Variants in UBE2H observed in about 807,000 individuals in gnomAD.
UBE2H encodes the protein ubiquitin conjugating enzyme E2 H, also known as ubiquitin-conjugating enzyme E2 H.
Under a neutral mutation model 29.0 loss-of-function variants are expected in UBE2H, and 3 were observed. The ratio of observed to expected loss-of-function variants is 0.10; its 90% CI spans 0.05 to 0.27. UBE2H has a LOEUF of 0.27. Among genes scored for constraint, UBE2H ranks in the 10% least tolerant of loss-of-function variants. The probability of loss-of-function intolerance (pLI) is 1.00; values close to 1 mark genes in which losing one functional copy is unlikely to be tolerated. For synonymous variants in UBE2H, 69 were observed against 82.9 expected (o/e 0.83, Z 0.91); for missense variants, 68 against 228.2 (o/e 0.30, Z 4.52).
At chr7:129,874,256 G>A (rs1381346562) in intron 3 of UBE2H, among the ~76,000 whole-genome samples, 2 of 150,922 alleles carry the variant, frequency 1.3e-5, no homozygotes, top group Admixed American at 6.6e-5. Flanking sequence ...ACTTCTGGAT[G>A]TTGCAAGATC....
In UBE2H at chr7:129,834,940, C is replaced by T. The variant is rs750839800; in HGVS notation, c.549G>A (p.Leu183=). Residue 183 remains leucine, a synonymous_variant, in exon 7 of 7, where the codon TTG becomes TTA. Transcript: ENST00000355621. ...FSEDEAQDME[L] ...TGAAAAGCAGGTGCTTTTTCTACTACAACTCCATATCCTGGGCCTCATCTT... is the reference window on the plus strand; with the variant it reads ...TGAAAAGCAGGTGCTTTTTCTACTATAACTCCATATCCTGGGCCTCATCTT... 9 of 1,612,766 alleles carry T rather than the reference C, an allele frequency of 5.6e-6. No homozygotes were observed. The highest frequency in any genetic ancestry group is 2.0e-4 in the Middle Eastern group (1 of 5,076).
chr7:129,937,103 A>C (rs181170315), intron 1 of UBE2H, among the ~76,000 whole-genome samples: 16 of 152,160 alleles, frequency 1.1e-4, no homozygotes, highest in African/African-American at 3.6e-4. Flanking sequence ...GCTGAGGCGG[A>C]TGGATCACGA....
Position 129,831,777 on chromosome 7 carries a change from G to C in UBE2H, c.*3160C>G, listed in dbSNP as rs1805232536. ...CTGTGCCCAAAAGCCCCCCGGTGCT[G>C]GGGCTTCCAGAGGGAGCCCAAGGGT... On this transcript the variant is annotated 3_prime_UTR_variant, in exon 7 of 7. Transcript: ENST00000355621. The C allele has an allele frequency of 1.3e-5, 2 of 152,224 alleles. No homozygotes were observed. The highest frequency in any genetic ancestry group is 3.8e-4 in the East Asian group (2 of 5,202). The allele number at this position is 152,224 out of a possible 1,614,324, so 9.4% of individuals were successfully genotyped here. A position where few individuals can be genotyped will look rare whatever the true frequency, so the allele number is the denominator to read the frequency against.
Position 129,952,664 on chromosome 7 carries a change from C to T in UBE2H, c.-109G>A, listed in dbSNP as rs1240305074. ...GGCTCCTCGGTGGAGGTGGCAACACCCCCGCGGTCCCGGCGGTCCCGTCAG... is the reference window on the plus strand; with the variant it reads ...GGCTCCTCGGTGGAGGTGGCAACACTCCCGCGGTCCCGGCGGTCCCGTCAG... On this transcript the variant is annotated 5_prime_UTR_variant, in exon 1 of 7. Coordinates refer to ENST00000355621, the MANE Select transcript of UBE2H (RefSeq NM_003344.4). The T allele has an allele frequency of 2.3e-6, 3 of 1,318,220 alleles. No homozygotes were observed. The highest frequency in any genetic ancestry group is 1.5e-5 in the South Asian group (1 of 67,750). The allele number at this position is 1,318,220 out of a possible 1,614,324, so 81.7% of individuals were successfully genotyped here.
At chr7:129,846,320 C>G (rs879522214) in intron 5 of UBE2H, among the ~76,000 whole-genome samples, 1 of 151,542 alleles carries the variant, frequency 6.6e-6, no homozygotes, top group African/African-American at 2.4e-5. Flanking sequence ...ACAGCCTGGG[C>G]AACATAGGGA....
chr7:129,866,362 C>T (rs1347942371), intron 3 of UBE2H, among the ~76,000 whole-genome samples: 4 of 152,154 alleles, frequency 2.6e-5, no homozygotes, highest in Non-Finnish European at 5.9e-5. Context: ...TAGCATAACC[C>T]TTCTACCAAC....
intron 5 of UBE2H, among the ~76,000 whole-genome samples, chr7:129,856,790 T>C (rs142226232): frequency 1.1e-3 from 165 of 152,266 alleles, no homozygotes; most frequent in African/African-American, 3.6e-3. Context: ...TCCATGTCAG[T>C]GGGTTTCACA....
intron 5 of UBE2H, among the ~76,000 whole-genome samples, chr7:129,845,659 C>T (rs1805498943): frequency 6.6e-6 from 1 of 152,196 alleles, no homozygotes; most frequent in African/African-American, 2.4e-5. Context: ...ACAATGTGGA[C>T]ATCTGGCAGA....
chr7:129,900,479 C>T (rs974288071), intron 1 of UBE2H, among the ~76,000 whole-genome samples: 6 of 152,062 alleles, frequency 3.9e-5, no homozygotes, highest in Admixed American at 1.3e-4. Context: ...TTTATAGTTT[C>T]GAATATTATC....
intron 1 of UBE2H, among the ~76,000 whole-genome samples, chr7:129,939,394 T>C (rs1434504479): frequency 6.6e-6 from 1 of 152,198 alleles, no homozygotes; most frequent in Non-Finnish European, 1.5e-5. Context: ...AAAAGAGTTA[T>C]ATAGTTCCAA....
chr7:129,861,816 G>A (rs915043334), intron 3 of UBE2H, among the ~76,000 whole-genome samples: 7 of 151,944 alleles, frequency 4.6e-5, no homozygotes, highest in African/African-American at 1.2e-4. Context: ...GCTTGAACCT[G>A]GGAGGTGGCT....
intron 3 of UBE2H, among the ~76,000 whole-genome samples, chr7:129,869,228 G>A (rs1423345104): frequency 6.6e-6 from 1 of 151,964 alleles, no homozygotes; most frequent in East Asian, 1.9e-4. Context: ...GTGAGCCACC[G>A]TGCCCGGCTT....
chr7:129,927,127 C>T (rs1186265036), intron 1 of UBE2H, among the ~76,000 whole-genome samples: 1 of 152,174 alleles, frequency 6.6e-6, no homozygotes, highest in Non-Finnish European at 1.5e-5. Flanking sequence ...TTTATTCATA[C>T]ACTATCTTCA....
rs1273368226 is a variant in UBE2H, at chr7:129,831,150, C to T, written c.*3787G>A. 2 of 152,082 alleles carry T rather than the reference C, an allele frequency of 1.3e-5. No individual in the cohort carries two copies. Among genetic ancestry groups the T allele is most frequent in the Middle Eastern group, 3.2e-3 (1 of 314 alleles). 9.4% of individuals were successfully genotyped at this position (152,082 alleles called of 1,614,324 possible). A position where few individuals can be genotyped will look rare whatever the true frequency, so the allele number is the denominator to read the frequency against. ...CCACTCATCCCATCCCTAACAGAAT[C>T]GCCGAGGTGTTCACGGGCCAGAGAA... On this transcript the variant is annotated 3_prime_UTR_variant, in exon 7 of 7. Coordinates refer to ENST00000355621, the MANE Select transcript of UBE2H (RefSeq NM_003344.4).
intron 1 of UBE2H, among the ~76,000 whole-genome samples, chr7:129,933,118 G>C (rs1254381117): frequency 6.6e-6 from 1 of 152,132 alleles, no homozygotes; most frequent in Non-Finnish European, 1.5e-5. Flanking sequence ...TTAAATATCT[G>C]GTTTAAGTAT....
chr7:129,871,410 G>A (rs1029007912), intron 3 of UBE2H, among the ~76,000 whole-genome samples: 16 of 151,976 alleles, frequency 1.1e-4, no homozygotes, highest in Admixed American at 6.6e-5. Flanking sequence ...CTCTCTACTG[G>A]AATTCAAAAG....
intron 1 of UBE2H, among the ~76,000 whole-genome samples, chr7:129,917,555 G>A (rs1269095708): frequency 1.3e-5 from 2 of 152,184 alleles, no homozygotes; most frequent in Non-Finnish European, 2.9e-5. Flanking sequence ...AAGGGCACAG[G>A]CAGGGACACT....
At chr7:129,881,203 G>A (rs894827108) in intron 1 of UBE2H, among the ~76,000 whole-genome samples, 1 of 152,156 alleles carries the variant, frequency 6.6e-6, no homozygotes, top group African/African-American at 2.4e-5. Context: ...GCCATTTACT[G>A]AGTTTTTGAG....
At chr7:129,839,717 GTT>G (rs112018420) in intron 5 of UBE2H, 12 of 223,444 alleles carry the variant, frequency 5.4e-5, no homozygotes, top group South Asian at 1.0e-4. Flanking sequence ...TTTTTTGTTT[GTT>G]TTTTTTTTTG....
Sources: allele counts gnomAD v4.1 joint callset (sites outside exome capture counted in the v4.1 genomes callset), GRCh38; gene constraint gnomAD v4.1.1; transcripts MANE v1.5; gene names NCBI Gene and HGNC (gene_info 2026-07-23, HGNC 2026-07-21).